The following PPARGC1A variants were observed in gnomAD, a reference collection of about 807,000 sequenced individuals.
The protein encoded by PPARGC1A is peroxisome proliferator-activated receptor gamma coactivator 1-alpha.
In PPARGC1A, 25 loss-of-function variants were observed where a neutral mutation model predicts 88.7. The ratio of observed to expected loss-of-function variants is 0.28; its 90% confidence interval spans 0.21 to 0.39. The LOEUF (loss-of-function observed/expected upper bound fraction) is 0.39. PPARGC1A is among the 10% of genes least tolerant of loss of function. The pLI, the probability that PPARGC1A is intolerant of heterozygous loss-of-function variation, is 1.00. For synonymous variants in PPARGC1A, 363 were observed against 355.6 expected, an observed-to-expected ratio of 1.02 and a Z score of -0.24; for missense variants, 880 against 968.7, an observed-to-expected ratio of 0.91 and a Z score of 1.22.
At chr4:24,421,912 A>G in the PPARGC1A span, among the ~76,000 whole-genome samples, 45 of 152,222 alleles carry the variant, frequency 3.0e-4, no homozygotes, top group Non-Finnish European at 4.3e-4. Flanking sequence ...AGAGCTCCTT[A>G]TAAATTAAAC....
At chr4:24,272,030 C>A in the PPARGC1A span, among the ~76,000 whole-genome samples, 3 of 152,100 alleles carry the variant, frequency 2.0e-5, no homozygotes, top group Non-Finnish European at 4.4e-5. Flanking sequence ...TGACTGTTAG[C>A]TTCTGTCTCT....
chr4:24,128,877 C>T, the PPARGC1A span, among the ~76,000 whole-genome samples: 1 of 152,096 alleles, frequency 6.6e-6, no homozygotes, highest in Non-Finnish European at 1.5e-5. Flanking sequence ...TGAAGTAGGA[C>T]CCCCTCTAAC....
chr4:24,394,158 T>C, the PPARGC1A span, among the ~76,000 whole-genome samples: 2 of 152,240 alleles, frequency 1.3e-5, no homozygotes, highest in African/African-American at 4.8e-5. Flanking sequence ...CTCCCCCATA[T>C]GCAACTAAGA....
the PPARGC1A span, among the ~76,000 whole-genome samples, chr4:23,921,102 T>C: frequency 2.0e-5 from 3 of 152,136 alleles, no homozygotes; most frequent in African/African-American, 7.2e-5. Flanking sequence ...TACACCACTT[T>C]GAGCACAGTG....
At chr4:24,380,114 T>G in the PPARGC1A span, among the ~76,000 whole-genome samples, 1 of 152,264 alleles carries the variant, frequency 6.6e-6, no homozygotes, top group Admixed American at 6.5e-5. Flanking sequence ...ATATAGTTTT[T>G]TTTTTAATCA....
At chr4:24,228,465 G>A in the PPARGC1A span, among the ~76,000 whole-genome samples, 1 of 152,084 alleles carries the variant, frequency 6.6e-6, no homozygotes, top group African/African-American at 2.4e-5. Context: ...ACATAAAGTT[G>A]GCAACAATGG....
chr4:23,967,323 T>C, the PPARGC1A span, among the ~76,000 whole-genome samples: 3,332 of 152,298 alleles, frequency 0.022, 118 homozygotes, highest in African/African-American at 0.076. Context: ...TGTTAATTTC[T>C]ATGTCCCCGC....
chr4:24,335,313 G>A, the PPARGC1A span, among the ~76,000 whole-genome samples: 1 of 152,302 alleles, frequency 6.6e-6, no homozygotes, highest in East Asian at 1.9e-4. Context: ...GAGATTCATG[G>A]AAGTTAGGCG....
At chr4:24,357,172 A>G in the PPARGC1A span, among the ~76,000 whole-genome samples, 1 of 152,028 alleles carries the variant, frequency 6.6e-6, no homozygotes. Context: ...TGGTTTCCTT[A>G]CTCTCTCCTC....
chr4:23,833,031 G>A (rs1202028377), intron 2 of PPARGC1A, among the ~76,000 whole-genome samples: 5 of 152,036 alleles, frequency 3.3e-5, no homozygotes, highest in Non-Finnish European at 5.9e-5. Context: ...AAACATTTTT[G>A]AACATCTACT....
chr4:23,908,477 A>G (rs565847547), upstream of PPARGC1A, among the ~76,000 whole-genome samples: 145 of 151,416 alleles, frequency 9.6e-4, 1 homozygote, highest in Admixed American at 2.8e-3. Context: ...TCTAAATATT[A>G]TAAGTAGCCA....
At chr4:24,173,912 GA>G in the PPARGC1A span, among the ~76,000 whole-genome samples, 6 of 152,226 alleles carry the variant, frequency 3.9e-5, no homozygotes, top group East Asian at 1.2e-3. Flanking sequence ...CATTGATACT[GA>G]AGTGGACTTT....
the PPARGC1A span, among the ~76,000 whole-genome samples, chr4:24,103,204 A>C: frequency 6.6e-6 from 1 of 152,164 alleles, no homozygotes; most frequent in African/African-American, 2.4e-5. Context: ...CATGGCTTTG[A>C]AAGGGGGAAG....
chr4:24,170,107 T>C, the PPARGC1A span, among the ~76,000 whole-genome samples: 1 of 152,116 alleles, frequency 6.6e-6, no homozygotes, highest in South Asian at 2.1e-4. Flanking sequence ...CTTCTAGAGA[T>C]AAAAGGAAGG....
At chr4:24,361,608 C>A in the PPARGC1A span, among the ~76,000 whole-genome samples, 2 of 152,094 alleles carry the variant, frequency 1.3e-5, no homozygotes, top group African/African-American at 4.8e-5. Context: ...TGTTGGAATG[C>A]CTCCATTTTA....
chr4:23,871,378 C>T (rs16874260), intron 2 of PPARGC1A, among the ~76,000 whole-genome samples: 6,514 of 152,238 alleles, frequency 0.043, 212 homozygotes, highest in African/African-American at 0.092. Flanking sequence ...ATCTGTTGCA[C>T]GCAGAGCCCT....
chr4:24,268,869 T>C, the PPARGC1A span, among the ~76,000 whole-genome samples: 3 of 152,212 alleles, frequency 2.0e-5, no homozygotes, highest in Non-Finnish European at 4.4e-5. Flanking sequence ...TCCGTACATA[T>C]TTATGGAGTT....
At chr4:24,021,450 T>C in the PPARGC1A span, among the ~76,000 whole-genome samples, 7 of 152,288 alleles carry the variant, frequency 4.6e-5, no homozygotes, top group East Asian at 1.2e-3. Flanking sequence ...CTCAGCCAGG[T>C]ACCAAGTAAC....
the PPARGC1A span, among the ~76,000 whole-genome samples, chr4:24,334,273 C>T: frequency 6.6e-6 from 1 of 152,156 alleles, no homozygotes; most frequent in Non-Finnish European, 1.5e-5. Context: ...CCCAACAATC[C>T]TTTCCCATTT....
Sources: allele counts gnomAD v4.1 joint callset (sites outside exome capture counted in the v4.1 genomes callset), GRCh38; gene constraint gnomAD v4.1.1; transcripts MANE v1.5; gene names NCBI Gene and HGNC (gene_info 2026-07-23, HGNC 2026-07-21).